LRRC58: variants seen among roughly 807,000 people sequenced by gnomAD.
LRRC58 encodes the protein leucine rich repeat containing 58, also known as leucine-rich repeat-containing protein 58.
Under a neutral mutation model 30.6 loss-of-function variants are expected in LRRC58, and 18 were observed. That is an observed-to-expected ratio of 0.59 (90% CI 0.41 to 0.87). The LOEUF is 0.87. Ranked by LOEUF, LRRC58 falls within the 40% of genes least tolerant of loss-of-function variation. The probability of loss-of-function intolerance (pLI) is 0.00; values close to 1 mark genes in which losing one functional copy is unlikely to be tolerated. For synonymous variants in LRRC58, 221 were observed against 206.0 expected, an observed-to-expected ratio of 1.07 and a Z score of -0.62; for missense variants, 420 against 468.4, an observed-to-expected ratio of 0.90 and a Z score of 0.95.
At chr3:120,344,701 C>T (rs1935945649) in intron 1 of LRRC58, among the ~76,000 whole-genome samples, 1 of 152,212 alleles carries the variant, frequency 6.6e-6, no homozygotes, top group Non-Finnish European at 1.5e-5. Context: ...CTCAAACCTA[C>T]TCTCCAAATA....
chr3:120,333,332 TTA>T (rs1935785558), intron 3 of LRRC58, among the ~76,000 whole-genome samples: 1 of 152,158 alleles, frequency 6.6e-6, no homozygotes, highest in South Asian at 2.1e-4. Context: ...CAAAGGAGAT[TTA>T]GACTTTCAGG....
Position 120,327,654 on chromosome 3 carries a change from A to C in LRRC58, c.*3546T>G, listed in dbSNP as rs570330602. 1 of 152,304 alleles carries C rather than the reference A, an allele frequency of 6.6e-6. No individual in the cohort carries two copies. The highest frequency in any genetic ancestry group is 2.1e-4 in the South Asian group (1 of 4,824). 9.4% of individuals were successfully genotyped at this position (152,304 alleles called of 1,614,324 possible). ...GTAGAACTGGTGTGCAGTATTACAA[A>C]ACATTATTGTGGACTGCTTTTTACT... On this transcript the variant is annotated 3_prime_UTR_variant, in exon 4 of 4. Transcript: ENST00000295628.
Position 120,327,371 on chromosome 3 carries a change from C to T in LRRC58, c.*3829G>A, listed in dbSNP as rs1935694082. 1.3e-5 allele frequency: 2 copies of T among 150,114 alleles called. No individual in the cohort carries two copies. The highest frequency in any genetic ancestry group is 6.7e-5 in the Admixed American group (1 of 14,998). The allele number at this position is 150,114 out of a possible 1,614,324, so 9.3% of individuals were successfully genotyped here. ...GGTTCACGCCATTCTCTTGCCTCAG[C>T]CTCCCGAGTAGCTGGGACTACAGGC... On this transcript the variant is annotated 3_prime_UTR_variant, in exon 4 of 4. Transcript: ENST00000295628.
At position 120,327,729 on chromosome 3, in the gene LRRC58, A is replaced by G. The variant is rs1245933645; in HGVS notation, c.*3471T>C. ...GCTCAAATTTGAGGTACAATTTACA[A>G]TGCAAATTTTTTTGTTTGTTTTTTG... On this transcript the variant is annotated 3_prime_UTR_variant, in exon 4 of 4. Coordinates refer to ENST00000295628, the MANE Select transcript of LRRC58 (RefSeq NM_001099678.2). 1 of 150,126 alleles carries G rather than the reference A, an allele frequency of 6.7e-6. No homozygotes were observed. Among genetic ancestry groups the G allele is most frequent in the Non-Finnish European group, 1.5e-5 (1 of 67,918 alleles). The allele number at this position is 150,126 out of a possible 1,614,324, so 9.3% of individuals were successfully genotyped here. A position where few individuals can be genotyped will look rare whatever the true frequency, so the allele number is the denominator to read the frequency against.
In LRRC58 at chr3:120,328,379, C is replaced by T. The variant is rs1016596518; in HGVS notation, c.*2821G>A. The T allele has an allele frequency of 3.3e-5, 5 of 152,120 alleles. No homozygotes were observed. Among genetic ancestry groups the T allele is most frequent in the Non-Finnish European group, 7.4e-5 (5 of 68,020 alleles). The allele number at this position is 152,120 out of a possible 1,614,324, so 9.4% of individuals were successfully genotyped here. On this transcript the variant is annotated 3_prime_UTR_variant, in exon 4 of 4. Coordinates refer to ENST00000295628, the MANE Select transcript of LRRC58 (RefSeq NM_001099678.2). ...ACTAAGAATGCACAATGTACTAATT[C>T]CAATTTCAAATACTAGCACTGAAGA...
Position 120,325,922 on chromosome 3 carries a change from C to G in LRRC58, c.*5278G>C, listed in dbSNP as rs1206512316. ...GAATGCATGGTAGAGGTTCCCTCCC[C>G]AGAAGTCCTAGACTGATACACATTA... On this transcript the variant is annotated 3_prime_UTR_variant, in exon 4 of 4. Transcript: ENST00000295628. 1 of 152,126 alleles carries G rather than the reference C, an allele frequency of 6.6e-6. No homozygotes were observed. The highest frequency in any genetic ancestry group is 1.5e-5 in the Non-Finnish European group (1 of 68,024). The allele number at this position is 152,126 out of a possible 1,614,324, so 9.4% of individuals were successfully genotyped here.
intron 1 of LRRC58, 133 bp downstream of exon 1, chr3:120,348,611 A>T: frequency 9.6e-7 from 1 of 1,045,354 alleles, no homozygotes; most frequent in Non-Finnish European, 1.3e-6. Context: ...GTTGGGCAGA[A>T]CTCACTACCG....
At chr3:120,334,457 G>A (rs1210526307) in intron 3 of LRRC58, among the ~76,000 whole-genome samples, 1 of 152,046 alleles carries the variant, frequency 6.6e-6, no homozygotes, top group Non-Finnish European at 1.5e-5. Context: ...GCAATGAGCC[G>A]AGATCGCGCC....
At chr3:120,344,876 T>A (rs188247915) in intron 1 of LRRC58, among the ~76,000 whole-genome samples, 17 of 152,328 alleles carry the variant, frequency 1.1e-4, no homozygotes, top group Non-Finnish European at 2.5e-4. Flanking sequence ...ATATGAATTA[T>A]ACCTACTTTT....
Position 120,331,239 on chromosome 3 carries a change from A to C in LRRC58, c.1077T>G (p.Ser359Arg). The change falls in exon 4 of 4, where the codon AGT (serine) becomes AGG (arginine). Residue 359 changes from serine (S) to arginine (R), a missense_variant. By Grantham distance (110) the Ser-to-Arg change is moderately radical (BLOSUM62 -1). This residue lies in a region of LRRC58 where 154 missense variants were observed against 216.8 expected (regional missense o/e 0.71). Coordinates refer to ENST00000295628, the MANE Select transcript of LRRC58 (RefSeq NM_001099678.2). ...CTTTCTGCATTCTGCGTGCAGCAACACTAGCTTCATCTTCTGAGTCAGATT... is the reference window on the plus strand; with the variant it reads ...CTTTCTGCATTCTGCGTGCAGCAACCCTAGCTTCATCTTCTGAGTCAGATT... ...QSESDSEDEASVAARRMQKVL... is the reference protein window; with the variant it reads ...QSESDSEDEARVAARRMQKVL... The C allele has an allele frequency of 6.2e-7, 1 of 1,613,958 alleles. No homozygotes were observed. The highest frequency in any genetic ancestry group is 1.1e-5 in the South Asian group (1 of 91,072).
At position 120,327,719 on chromosome 3, in the gene LRRC58, A is replaced by T. The variant is rs1042139400; in HGVS notation, c.*3481T>A. On this transcript the variant is annotated 3_prime_UTR_variant, in exon 4 of 4. Coordinates refer to ENST00000295628, the MANE Select transcript of LRRC58 (RefSeq NM_001099678.2). ...CACAAAAACTGCTCAAATTTGAGGTACAATTTACAATGCAAATTTTTTTGT... is the reference window on the plus strand; with the variant it reads ...CACAAAAACTGCTCAAATTTGAGGTTCAATTTACAATGCAAATTTTTTTGT... 2 of 151,988 alleles carry T rather than the reference A, an allele frequency of 1.3e-5. No homozygotes were observed. Among genetic ancestry groups the T allele is most frequent in the Admixed American group, 6.6e-5 (1 of 15,244 alleles). The allele number at this position is 151,988 out of a possible 1,614,324, so 9.4% of individuals were successfully genotyped here.
intron 1 of LRRC58, among the ~76,000 whole-genome samples, chr3:120,341,740 G>A (rs1042163562): frequency 1.6e-4 from 24 of 151,778 alleles, no homozygotes; most frequent in East Asian, 2.0e-4. Context: ...GAGCTGGGGG[G>A]AGCCCTGCCC....
chr3:120,340,695 A>G (rs1389517220), intron 1 of LRRC58, among the ~76,000 whole-genome samples: 1 of 152,160 alleles, frequency 6.6e-6, no homozygotes, highest in Non-Finnish European at 1.5e-5. Context: ...CTAACTGGTA[A>G]AATACCGTCT....
In LRRC58 at chr3:120,349,048, C is replaced by T; in HGVS notation, c.196G>A (p.Gly66Ser). The part of the protein sequence containing the change: ...LVSLPRALGS[G>S]FPHLQLLDVS... The stretch of plus-strand genomic sequence containing the variant: ...TCCAGCAGCTGGAGGTGCGGGAAGC[C>T]GCTGCCCAGCGCCCGTGGCAGCGAC... Residue 66 changes from glycine (G) to serine (S), a missense_variant, in exon 1 of 4, where the codon GGC (glycine) becomes AGC (serine). Physicochemically the swap from Gly to Ser is moderately conservative, Grantham distance 56. Around this residue, in one of 2 missense-constraint regions of LRRC58, gnomAD observed 266 missense variants for 251.7 expected, o/e 1.06. Coordinates refer to ENST00000295628, the MANE Select transcript of LRRC58 (RefSeq NM_001099678.2). 4 of 1,517,548 alleles carry T rather than the reference C, an allele frequency of 2.6e-6. No individual in the cohort carries two copies. The South Asian group carries it at 3.7e-5, about 14-fold the overall frequency. 94.0% of individuals were successfully genotyped at this position (1,517,548 alleles called of 1,614,324 possible).
chr3:120,341,801 G>A (rs1253896310), intron 1 of LRRC58, among the ~76,000 whole-genome samples: 1 of 151,892 alleles, frequency 6.6e-6, no homozygotes, highest in Non-Finnish European at 1.5e-5. Context: ...GGCCCAACCT[G>A]CAGCTGCAGA....
chr3:120,336,005 AC>A, intron 1 of LRRC58, 52 bp from the exon 2 acceptor site: 1 of 1,331,714 alleles, frequency 7.5e-7, no homozygotes. Flanking sequence ...TGAAAAAGAT[AC>A]CCCATTGTGT....
At chr3:120,341,311 T>C (rs963336890) in intron 1 of LRRC58, among the ~76,000 whole-genome samples, 3 of 152,206 alleles carry the variant, frequency 2.0e-5, no homozygotes, top group African/African-American at 4.8e-5. Context: ...AAAGGGACTA[T>C]TTCAATGAGA....
At position 120,349,238 on chromosome 3, in the gene LRRC58, C is replaced by T; in HGVS notation, c.6G>A (p.Glu2=). M[E]EAGAAVVTAG... is the part of the protein sequence containing the mutation. The stretch of plus-strand genomic sequence containing the variant: ...CCGTGACCACCGCTGCTCCGGCCTC[C>T]TCCATCCTGGCCACCGCACGGCGCG... Residue 2 remains glutamate (E), a synonymous_variant, in exon 1 of 4, where the codon GAG becomes GAA. Coordinates refer to ENST00000295628, the MANE Select transcript of LRRC58 (RefSeq NM_001099678.2). The T allele has an allele frequency of 2.9e-6, 4 of 1,387,774 alleles. No individual in the cohort carries two copies. The highest frequency in any genetic ancestry group is 3.0e-5 in the East Asian group (1 of 33,104). The allele number at this position is 1,387,774 out of a possible 1,614,324, so 86.0% of individuals were successfully genotyped here.
At chr3:120,332,908 C>T (rs929976962) in intron 3 of LRRC58, among the ~76,000 whole-genome samples, 1 of 151,980 alleles carries the variant, frequency 6.6e-6, no homozygotes, top group African/African-American at 2.4e-5. Context: ...TGCCACTATG[C>T]CCAACTAATG....
Sources: gnomAD v4.1 joint callset for allele counts (sites outside exome capture counted in the v4.1 genomes callset) on GRCh38, gnomAD v4.1.1 for gene constraint, gnomAD v4.1.1 regional missense constraint, MANE v1.5 for transcripts, NCBI Gene and HGNC (gene_info 2026-07-23, HGNC 2026-07-21) for gene names.